The following APOLD1 variants were observed in gnomAD, a reference collection of about 807,000 sequenced individuals.
APOLD1 encodes apolipoprotein L domain-containing protein 1.
Under a neutral mutation model 15.3 loss-of-function variants are expected in APOLD1, and 22 were observed. The observed-to-expected ratio is 1.44, with a 90% CI of 1.03 to 2.05. APOLD1 has a LOEUF of 2.05. Among genes scored for constraint, APOLD1 ranks in the 30% most tolerant of loss-of-function variants. APOLD1 has a pLI of 0.00. For synonymous variants in APOLD1, 190 were observed against 167.4 expected (o/e 1.13, Z -1.04); for missense variants, 394 against 353.5 (o/e 1.11, Z -0.92).
intron 1 of APOLD1, among the ~76,000 whole-genome samples, chr12:12,772,537 C>G (rs1250405884): frequency 6.6e-6 from 1 of 152,198 alleles, no homozygotes; most frequent in Non-Finnish European, 1.5e-5. Context: ...ACTATTATAA[C>G]TGGAGACTTC....
At chr12:12,732,621 A>G (rs1946648485) in intron 1 of APOLD1, among the ~76,000 whole-genome samples, 1 of 151,348 alleles carries the variant, frequency 6.6e-6, no homozygotes, top group Admixed American at 6.6e-5. Context: ...TCTACTTGGG[A>G]GGCTGAGGCA....
In APOLD1 at chr12:12,773,304, T is replaced by C. The variant is rs543590954; in HGVS notation, c.97-13605T>C. Among the ~76,000 whole-genome samples, 7 of 152,342 alleles carry C rather than the reference T, an allele frequency of 4.6e-5. No individual in the cohort carries two copies. The South Asian group carries it at 1.4e-3, about 32-fold the overall frequency. On this transcript the variant is annotated intron_variant, in intron 1 of 1. Transcript: ENST00000326765. ...GGCCAGTTATGGTGTCTCACACCTG[T>C]AATCCCAGCACTTTGGGAGGGTGAA...
At chr12:12,774,546 C>CAAAAAAAAAAAAAAAAAAAAAA (rs57343706) in intron 1 of APOLD1, among the ~76,000 whole-genome samples, 2 of 42,290 alleles carry the variant, frequency 4.7e-5, no homozygotes, top group Admixed American at 4.3e-4. Context: ...ACTCTAACTC[C>CAAAAAAAAAAAAAAAAAAAAAA]AAAAAAAAAA....
chr12:12,729,805 A>G (rs2136366391), intron 1 of APOLD1, among the ~76,000 whole-genome samples: 2 of 151,914 alleles, frequency 1.3e-5, no homozygotes, highest in South Asian at 2.1e-4. Context: ...TTAAAAAGCA[A>G]TGGTTTAAAT....
At chr12:12,749,668 C>T (rs1410605739) in intron 1 of APOLD1, among the ~76,000 whole-genome samples, 2 of 152,208 alleles carry the variant, frequency 1.3e-5, no homozygotes, top group Non-Finnish European at 2.9e-5. Context: ...CGGACCACCA[C>T]TTTATTTACA....
chr12:12,751,961 G>A (rs1252823410), intron 1 of APOLD1, among the ~76,000 whole-genome samples: 2 of 152,182 alleles, frequency 1.3e-5, no homozygotes, highest in Non-Finnish European at 2.9e-5. Flanking sequence ...ATACAGTCCA[G>A]TAGAAACTGA....
In APOLD1 at chr12:12,791,345, A is replaced by G. The variant is rs1391943435; in HGVS notation, c.*3693A>G. 1.3e-5 allele frequency: 2 copies of G among 152,248 alleles called. No individual in the cohort carries two copies. The highest frequency in any genetic ancestry group is 3.8e-4 in the East Asian group (2 of 5,204). 9.4% of individuals were successfully genotyped at this position (152,248 alleles called of 1,614,324 possible). On this transcript the variant is annotated 3_prime_UTR_variant, in exon 2 of 2. Coordinates refer to ENST00000356591, the MANE Select transcript of APOLD1 (RefSeq NM_030817.3). ...TTAGTGTGAATTGAGACACTGAGAT[A>G]AAGACATCGTGCAGAGATAAATGGG...
chr12:12,770,714 C>G (rs1412440560), intron 1 of APOLD1, among the ~76,000 whole-genome samples: 1 of 150,126 alleles, frequency 6.7e-6, no homozygotes, highest in East Asian at 2.0e-4. Context: ...AGAATTTCCC[C>G]AAGCCAGTGT....
chr12:12,786,387 C>CT (rs2136401843), intron 1 of APOLD1, among the ~76,000 whole-genome samples: 1 of 152,104 alleles, frequency 6.6e-6, no homozygotes, highest in East Asian at 1.9e-4. Flanking sequence ...GTTTCTTCTG[C>CT]TTGGTAGAAA....
intron 1 of APOLD1, among the ~76,000 whole-genome samples, chr12:12,751,220 G>A (rs528383021): frequency 2.6e-5 from 4 of 152,114 alleles, no homozygotes; most frequent in Non-Finnish European, 5.9e-5. Flanking sequence ...CATGAAGGTG[G>A]GGCAAGGATG....
intron 1 of APOLD1, among the ~76,000 whole-genome samples, chr12:12,756,765 A>C (rs1946860192): frequency 6.6e-6 from 1 of 152,088 alleles, no homozygotes; most frequent in Admixed American, 6.6e-5. Flanking sequence ...GAACCATATA[A>C]TATTTTTCCT....
At chr12:12,770,696 A>G (rs1298199466) in intron 1 of APOLD1, among the ~76,000 whole-genome samples, 1 of 151,572 alleles carries the variant, frequency 6.6e-6, no homozygotes, top group Non-Finnish European at 1.5e-5. Flanking sequence ...TTGAAACAAT[A>G]GTGATTGAGA....
intron 1 of APOLD1, among the ~76,000 whole-genome samples, chr12:12,755,334 A>G (rs1370190759): frequency 6.6e-6 from 1 of 152,216 alleles, no homozygotes; most frequent in Admixed American, 6.5e-5. Context: ...AGCAAAAAAA[A>G]AGGATAATAT....
Position 12,749,143 on chromosome 12 carries a change from A to C in APOLD1, c.96+23047A>C, listed in dbSNP as rs182964978. On this transcript the variant is annotated intron_variant, in intron 1 of 1. Transcript: ENST00000326765. ...TCTGCAACAGTCTTTGGGCACCCAA[A>C]GCACTGATTCTGGGTATGCGATTCT... 7.7e-4 allele frequency among the ~76,000 whole-genome samples: 117 copies of C among 152,204 alleles called. 1 individual carries two copies. The highest frequency in any genetic ancestry group is 3.7e-3 in the Admixed American group (57 of 15,282).
At position 12,777,889 on chromosome 12, in the gene APOLD1, G is replaced by GTTTTTTTTTTTTTTTT. The variant is rs71436735; in HGVS notation, c.97-8999_97-8984dup. Reference sequence around the variant, plus strand: ...AAATATCTTCTCTACAAGGAAAGGTGTTTTTTTTTTTTTTTTTTTTTTTTT... The same window carrying GTTTTTTTTTTTTTTTT: ...AAATATCTTCTCTACAAGGAAAGGTGTTTTTTTTTTTTTTTTTTTTTTTTTTTTTTTTTTTTTTTTT... On this transcript the variant is annotated intron_variant, in intron 1 of 1. Transcript: ENST00000326765. Among the ~76,000 whole-genome samples, 5 of 117,138 alleles carry GTTTTTTTTTTTTTTTT rather than the reference G, an allele frequency of 4.3e-5. 1 individual carries two copies. Among genetic ancestry groups the GTTTTTTTTTTTTTTTT allele is most frequent in the South Asian group, 2.9e-4 (1 of 3,478 alleles). 76.8% of individuals were successfully genotyped at this position (117,138 alleles called of 152,430 possible). A position where few individuals can be genotyped will look rare whatever the true frequency, so the allele number is the denominator to read the frequency against.
chr12:12,782,429 GCT>G (rs775406835), upstream of APOLD1, among the ~76,000 whole-genome samples: 14 of 152,270 alleles, frequency 9.2e-5, no homozygotes, highest in Admixed American at 2.6e-4. Context: ...TGCTTAAAAA[GCT>G]CTTTCTCGTC....
chr12:12,767,936 C>A (rs1264873578), intron 1 of APOLD1, among the ~76,000 whole-genome samples: 1 of 152,014 alleles, frequency 6.6e-6, no homozygotes, highest in Non-Finnish European at 1.5e-5. Context: ...CAGGCACGTG[C>A]CACCATGACT....
At chr12:12,741,228 A>G (rs568705988) in intron 1 of APOLD1, among the ~76,000 whole-genome samples, 2 of 152,252 alleles carry the variant, frequency 1.3e-5, no homozygotes, top group South Asian at 4.1e-4. Flanking sequence ...CATTTTAGAG[A>G]TAGGGTCTTG....
intron 1 of APOLD1, among the ~76,000 whole-genome samples, chr12:12,728,153 G>A (rs930475752): frequency 6.6e-6 from 1 of 151,370 alleles, no homozygotes; most frequent in South Asian, 2.1e-4. Context: ...CTTTTGTAGA[G>A]ATGGGGTCTT....
Sources: gnomAD v4.1 joint callset for allele counts (sites outside exome capture counted in the v4.1 genomes callset) on GRCh38, gnomAD v4.1.1 for gene constraint, MANE v1.5 for transcripts, NCBI Gene and HGNC (gene_info 2026-07-23, HGNC 2026-07-21) for gene names.